IHO1: variants seen among roughly 807,000 people sequenced by gnomAD.
IHO1 encodes interactor of HORMAD1 1.
Under a neutral mutation model 31.0 loss-of-function variants are expected in IHO1, and 13 were observed. That is an observed-to-expected ratio of 0.42 (90% CI 0.27 to 0.67). The LOEUF is 0.67. Among genes scored for constraint, IHO1 ranks in the 30% least tolerant of loss-of-function variants. The probability of loss-of-function intolerance (pLI) is 0.24; values close to 1 mark genes in which losing one functional copy is unlikely to be tolerated. For synonymous variants in IHO1, 221 were observed against 248.4 expected (o/e 0.89, Z 1.04); for missense variants, 599 against 687.5 (o/e 0.87, Z 1.44).
chr3:49,237,208 T>G (rs1331383600), intron 3 of IHO1, among the ~76,000 whole-genome samples: 3 of 151,416 alleles, frequency 2.0e-5, no homozygotes, highest in Non-Finnish European at 4.4e-5. Context: ...ATTAGCCGGG[T>G]GTGGTGGCAG....
intron 2 of IHO1, among the ~76,000 whole-genome samples, chr3:49,226,437 T>A (rs1290745938): frequency 1.3e-5 from 2 of 152,168 alleles, no homozygotes; most frequent in African/African-American, 4.8e-5. Context: ...GGCAGAAGGA[T>A]TTTCTTCCTT....
chr3:49,242,070 A>T (rs976722093), intron 4 of IHO1, among the ~76,000 whole-genome samples: 5 of 151,790 alleles, frequency 3.3e-5, no homozygotes, highest in African/African-American at 1.2e-4. Flanking sequence ...CAGCCTCCCG[A>T]GTAGCTGGGA....
chr3:49,243,559 C>A (rs1300650826), intron 4 of IHO1, among the ~76,000 whole-genome samples: 1 of 151,458 alleles, frequency 6.6e-6, no homozygotes, highest in African/African-American at 2.4e-5. Flanking sequence ...GAGATTGAGA[C>A]CATCCTTGCT....
upstream of IHO1, among the ~76,000 whole-genome samples, chr3:49,196,390 C>T (rs187347776): frequency 2.1e-4 from 31 of 149,556 alleles, no homozygotes; most frequent in African/African-American, 7.1e-4. Context: ...GCGATCTCGG[C>T]TCACTGCAAC....
In IHO1 at chr3:49,228,832, C is replaced by T. The variant is rs141635064; in HGVS notation, c.57-7716C>T. On this transcript the variant is annotated intron_variant, in intron 2 of 7. Transcript: ENST00000452691. ...TGTGAAGAGCAAAAGAACAAAGTTTCCACAGTGTGGAAGGAGACCTGAGCG... is the reference window on the plus strand; with the variant it reads ...TGTGAAGAGCAAAAGAACAAAGTTTTCACAGTGTGGAAGGAGACCTGAGCG... 1.3e-3 allele frequency among the ~76,000 whole-genome samples: 194 copies of T among 152,282 alleles called. 6 individuals carry two copies. The East Asian group carries it at 0.036, about 28-fold the overall frequency.
rs574755660 is a variant in IHO1 at position 49,257,393 on chromosome 3, C to A, written c.*111C>A. On this transcript the variant is annotated 3_prime_UTR_variant, in exon 8 of 8. Transcript: ENST00000452691. ...CCTGCCAAGTACCCAGGGTCAGAGG[C>A]CCTGCTGAGGTGGGGCAATGAGCAC... is the stretch of plus-strand genomic sequence containing the variant. 2,904 of 1,113,036 alleles carry A rather than the reference C, an allele frequency of 2.6e-3. 8 individuals carry two copies. The highest frequency in any genetic ancestry group is 3.3e-3 in the Non-Finnish European group (2,546 of 767,870). 68.9% of individuals were successfully genotyped at this position (1,113,036 alleles called of 1,614,324 possible).
At chr3:49,212,895 C>T (rs1276285946) in intron 2 of IHO1, among the ~76,000 whole-genome samples, 4 of 152,176 alleles carry the variant, frequency 2.6e-5, no homozygotes, top group Admixed American at 1.3e-4. Context: ...ACTGCTGGCT[C>T]GGGCATCCTC....
chr3:49,257,023 GAA>G lies in IHO1; in HGVS notation c.1529_1530del (p.Lys510ThrfsTer14). The G allele has an allele frequency of 6.2e-7, 1 of 1,614,192 alleles. No individual in the cohort carries two copies. Among genetic ancestry groups the G allele is most frequent in the Non-Finnish European group, 8.5e-7 (1 of 1,180,024 alleles). On this transcript the variant is annotated frameshift_variant, in exon 8 of 8. Transcript: ENST00000452691. LOFTEE classifies it low-confidence loss of function (END_TRUNC). ...CATCTGCAGTGTCCCAGGAGCCCCA[GAA>G]AACCAGTCTGCCCTATTCTGGGAGG...
intron 2 of IHO1, among the ~76,000 whole-genome samples, chr3:49,224,223 G>T (rs943488628): frequency 5.9e-5 from 9 of 152,220 alleles, no homozygotes; most frequent in Admixed American, 4.6e-4. Context: ...GAATACTGGG[G>T]CTTAATCTCG....
At chr3:49,205,029 A>C (rs2046117081) in intron 1 of IHO1, among the ~76,000 whole-genome samples, 1 of 147,826 alleles carries the variant, frequency 6.8e-6, no homozygotes, top group East Asian at 1.9e-4. Flanking sequence ...CTCCATCTCA[A>C]AAAAAAAAAA....
At chr3:49,240,230 G>GTTTTT (rs746292624) in intron 3 of IHO1, among the ~76,000 whole-genome samples, 2 of 151,516 alleles carry the variant, frequency 1.3e-5, no homozygotes, top group Non-Finnish European at 2.9e-5. Flanking sequence ...TTTTGTTTTT[G>GTTTTT]TTTCTGTTTT....
chr3:49,245,609 TC>T (rs1372558066), intron 6 of IHO1: 23 of 152,220 alleles, frequency 1.5e-4, no homozygotes, highest in African/African-American at 5.5e-4. Flanking sequence ...TATACAGTTC[TC>T]CTTGGGTGAA....
At chr3:49,209,676 G>A (rs562473424) in intron 1 of IHO1, among the ~76,000 whole-genome samples, 2 of 151,438 alleles carry the variant, frequency 1.3e-5, no homozygotes, top group South Asian at 2.1e-4. Flanking sequence ...ATGAGTATAA[G>A]GTATTTTGAG....
chr3:49,250,189 C>A (rs887941482), intron 6 of IHO1, among the ~76,000 whole-genome samples: 1 of 151,994 alleles, frequency 6.6e-6, no homozygotes, highest in Admixed American at 6.6e-5. Context: ...ATTCCAGAAA[C>A]CGATGATAAT....
chr3:49,249,373 C>T lies in IHO1; in HGVS notation c.532+4640C>T, dbSNP rs143335358. On this transcript the variant is annotated intron_variant, in intron 6 of 7. Transcript: ENST00000452691. ...GCAGCCTCTGCCTCCCGGGTTCAAGCGATTCTCCTGCCTCAGCCTCCCAAG... is the reference window on the plus strand; with the variant it reads ...GCAGCCTCTGCCTCCCGGGTTCAAGTGATTCTCCTGCCTCAGCCTCCCAAG... Among the ~76,000 whole-genome samples, 1,139 of 151,850 alleles carry T rather than the reference C, an allele frequency of 7.5e-3. 17 individuals are homozygous for T. The highest frequency in any genetic ancestry group is 0.026 in the African/African-American group (1,058 of 41,414).
chr3:49,208,019 G>A lies in IHO1; in HGVS notation c.-15-3747G>A, dbSNP rs931208608. Among the ~76,000 whole-genome samples, 11 of 151,868 alleles carry A rather than the reference G, an allele frequency of 7.2e-5. No homozygotes were observed. The East Asian group carries it at 1.7e-3, about 24-fold the overall frequency. ...GATCTCCTGACCTTTTGATCCGCCC[G>A]CCTCGGCCTCCCAAACTGCCGGGAT... On this transcript the variant is annotated intron_variant, in intron 1 of 7. Coordinates refer to ENST00000452691, the MANE Select transcript of IHO1 (RefSeq NM_001135197.2).
the IHO1 span, among the ~76,000 whole-genome samples, chr3:49,192,562 T>G: frequency 6.6e-6 from 1 of 151,988 alleles, no homozygotes; most frequent in South Asian, 2.1e-4. Flanking sequence ...CCCAGTGTAG[T>G]CACCCTGGAG....
intron 2 of IHO1, among the ~76,000 whole-genome samples, chr3:49,226,494 C>G (rs2046418644): frequency 6.6e-6 from 1 of 152,154 alleles, no homozygotes; most frequent in East Asian, 1.9e-4. Context: ...GGGCTTTTTC[C>G]TAATTCTCCT....
upstream of IHO1, among the ~76,000 whole-genome samples, chr3:49,193,989 ACTGGGT>A (rs1354195409): frequency 7.0e-5 from 10 of 142,750 alleles, no homozygotes; most frequent in African/African-American, 2.6e-4. Flanking sequence ...GTTGAGTCAG[ACTGGGT>A]GCCGTGGCTC....
Sources: gnomAD v4.1 joint callset for allele counts (sites outside exome capture counted in the v4.1 genomes callset) on GRCh38, gnomAD v4.1.1 for gene constraint, MANE v1.5 for transcripts, NCBI Gene and HGNC (gene_info 2026-07-23, HGNC 2026-07-21) for gene names.